SLC24A2: variants seen among roughly 807,000 people sequenced by gnomAD.
SLC24A2 encodes solute carrier family 24 member 2.
SLC24A2 carries 36 observed loss-of-function variants against 62.0 expected under a neutral mutation model. The ratio of observed to expected loss-of-function variants is 0.58; its 90% confidence interval spans 0.44 to 0.77. SLC24A2 has a LOEUF of 0.77. Ranked by LOEUF, SLC24A2 falls within the 30% of genes least tolerant of loss-of-function variation. The pLI, the probability that SLC24A2 is intolerant of heterozygous loss-of-function variation, is 0.00. For synonymous variants in SLC24A2, 358 were observed against 294.0 expected (o/e 1.22, Z -2.23); for missense variants, 846 against 817.9 (o/e 1.03, Z -0.42).
chr9:20,192,244 G>A, the SLC24A2 span, among the ~76,000 whole-genome samples: 1 of 152,162 alleles, frequency 6.6e-6, no homozygotes, highest in Non-Finnish European at 1.5e-5. Context: ...GAGCATGGTA[G>A]ACAGAGATTG....
chr9:19,577,081 C>A, intron 5 of SLC24A2, 59 bp from the exon 6 acceptor site: 2 of 1,398,350 alleles, frequency 1.4e-6, no homozygotes, highest in South Asian at 1.2e-5. Flanking sequence ...AGTCTCAGGG[C>A]CAAGCAGGTA....
At chr9:19,850,358 G>T in the SLC24A2 span, among the ~76,000 whole-genome samples, 1 of 152,038 alleles carries the variant, frequency 6.6e-6, no homozygotes, top group Non-Finnish European at 1.5e-5. Flanking sequence ...TAGAACATTT[G>T]AATTGTGTAG....
At chr9:19,606,701 A>G (rs1293864508) in intron 4 of SLC24A2, among the ~76,000 whole-genome samples, 3 of 152,222 alleles carry the variant, frequency 2.0e-5, no homozygotes, top group Non-Finnish European at 2.9e-5. Context: ...CCTGTAAACT[A>G]TATAAGCAAC....
At chr9:20,135,282 A>ATTTAATTTTAATTACAATTTAAAAT in the SLC24A2 span, among the ~76,000 whole-genome samples, 1 of 146,866 alleles carries the variant, frequency 6.8e-6, no homozygotes, top group African/African-American at 2.6e-5. Flanking sequence ...TATTTTTTAA[A>ATTTAATTTTAATTACAATTTAAAAT]TTTAATTTTT....
the SLC24A2 span, among the ~76,000 whole-genome samples, chr9:20,026,320 G>T: frequency 2.0e-5 from 3 of 152,156 alleles, no homozygotes; most frequent in Non-Finnish European, 4.4e-5. Flanking sequence ...GGCCAGATTT[G>T]TCTGCATGCC....
chr9:19,531,884 T>A (rs549782668), intron 8 of SLC24A2, among the ~76,000 whole-genome samples: 1 of 152,302 alleles, frequency 6.6e-6, no homozygotes, highest in African/African-American at 2.4e-5. Flanking sequence ...GGACTTCATG[T>A]ACATAAAATG....
the SLC24A2 span, among the ~76,000 whole-genome samples, chr9:20,180,379 G>A: frequency 2.6e-4 from 40 of 152,174 alleles, no homozygotes; most frequent in East Asian, 6.8e-3. Flanking sequence ...TTTTAAGAAA[G>A]AAATGGTGTG....
At chr9:19,557,345 G>A (rs562413170) in intron 7 of SLC24A2, among the ~76,000 whole-genome samples, 1 of 152,248 alleles carries the variant, frequency 6.6e-6, no homozygotes, top group Non-Finnish European at 1.5e-5. Flanking sequence ...ACAGGAAAGA[G>A]AAGCAAACCT....
chr9:20,089,227 C>A, the SLC24A2 span, among the ~76,000 whole-genome samples: 1 of 152,156 alleles, frequency 6.6e-6, no homozygotes, highest in South Asian at 2.1e-4. Context: ...ACAGAACACC[C>A]ACCTCATGGA....
chr9:19,711,187 G>A (rs1267776094), intron 2 of SLC24A2, among the ~76,000 whole-genome samples: 1 of 152,176 alleles, frequency 6.6e-6, no homozygotes, highest in African/African-American at 2.4e-5. Context: ...GATGCTGTTT[G>A]CCTTTTTTGC....
chr9:20,296,509 G>A, the SLC24A2 span, among the ~76,000 whole-genome samples: 2 of 152,218 alleles, frequency 1.3e-5, no homozygotes, highest in African/African-American at 4.8e-5. Context: ...ATGCATGTAT[G>A]TAAAAAATGT....
chr9:20,092,134 C>T, the SLC24A2 span, among the ~76,000 whole-genome samples: 2 of 152,156 alleles, frequency 1.3e-5, no homozygotes, highest in Non-Finnish European at 2.9e-5. Context: ...AAAAAAATAA[C>T]TATTGGTTAC....
chr9:19,762,159 G>GT (rs1172482059), intron 2 of SLC24A2, among the ~76,000 whole-genome samples: 2 of 151,986 alleles, frequency 1.3e-5, no homozygotes, highest in Admixed American at 6.6e-5. Flanking sequence ...TGATGGGGTT[G>GT]TTTTTTTCTT....
intron 2 of SLC24A2, among the ~76,000 whole-genome samples, chr9:19,729,259 C>A (rs996889077): frequency 6.6e-6 from 1 of 152,170 alleles, no homozygotes; most frequent in Non-Finnish European, 1.5e-5. Flanking sequence ...GACTCTTATA[C>A]ACTGTTAGTA....
chr9:20,068,112 G>A, the SLC24A2 span, among the ~76,000 whole-genome samples: 2 of 133,906 alleles, frequency 1.5e-5, no homozygotes, highest in Middle Eastern at 5.3e-3. Context: ...CACCCAGGCT[G>A]GAGTGCAGTG....
the SLC24A2 span, among the ~76,000 whole-genome samples, chr9:19,986,447 A>G: frequency 6.6e-6 from 1 of 152,186 alleles, no homozygotes; most frequent in Admixed American, 6.5e-5. Context: ...ATGTAATCCT[A>G]AAAGAACTGC....
intron 2 of SLC24A2, among the ~76,000 whole-genome samples, chr9:19,694,690 T>G (rs1014480199): frequency 1.3e-5 from 2 of 152,162 alleles, no homozygotes; most frequent in Non-Finnish European, 2.9e-5. Context: ...TGCACAAAGA[T>G]AAACTTCATG....
chr9:19,874,973 T>TCTA, the SLC24A2 span, among the ~76,000 whole-genome samples: 8 of 145,744 alleles, frequency 5.5e-5, no homozygotes, highest in East Asian at 4.0e-4. Context: ...GTTTTCTATG[T>TCTA]CTAACTTTAT....
At chr9:19,621,198 T>C (rs1166542911) in intron 3 of SLC24A2, among the ~76,000 whole-genome samples, 3 of 152,208 alleles carry the variant, frequency 2.0e-5, no homozygotes, top group Non-Finnish European at 4.4e-5. Context: ...GTAGAAAGTA[T>C]GAGTAAAATA....
Sources: allele counts gnomAD v4.1 joint callset (sites outside exome capture counted in the v4.1 genomes callset), GRCh38; gene constraint gnomAD v4.1.1; transcripts MANE v1.5; gene names NCBI Gene and HGNC (gene_info 2026-07-23, HGNC 2026-07-21).